The following PDE3A variants were observed in gnomAD, a reference collection of about 807,000 sequenced individuals.
The protein encoded by PDE3A is cGMP-inhibited 3',5'-cyclic phosphodiesterase 3A.
PDE3A carries 43 observed loss-of-function variants against 98.3 expected under a neutral mutation model. The ratio of observed to expected loss-of-function variants is 0.44; its 90% confidence interval spans 0.34 to 0.56. PDE3A has a LOEUF of 0.56. PDE3A is among the 20% of genes least tolerant of loss of function. The pLI, the probability that PDE3A is intolerant of heterozygous loss-of-function variation, is 0.01. For missense variants in PDE3A, 1,427 were observed against 1,440.7 expected, an observed-to-expected ratio of 0.99 and a Z score of 0.15; for synonymous variants, 663 against 567.9, an observed-to-expected ratio of 1.17 and a Z score of -2.38.
At chr12:20,667,311 G>A (rs1356445041) in intron 15 of PDE3A, among the ~76,000 whole-genome samples, 2 of 152,030 alleles carry the variant, frequency 1.3e-5, no homozygotes, top group East Asian at 1.9e-4. Context: ...TGTTTTTGTT[G>A]CCTGGGTTTT....
chr12:20,606,789 T>C (rs1943719920), intron 2 of PDE3A, among the ~76,000 whole-genome samples: 2 of 142,224 alleles, frequency 1.4e-5, no homozygotes, highest in Admixed American at 7.5e-5. Context: ...ACCTGGGAGG[T>C]GGAGGTTGCA....
Position 20,680,111 on chromosome 12 carries a change from T to C in PDE3A, c.3266T>C (p.Val1089Ala), listed in dbSNP as rs747635918. 6.2e-6 allele frequency: 10 copies of C among 1,613,262 alleles called. No homozygotes were observed. The highest frequency in any genetic ancestry group is 8.5e-6 in the Non-Finnish European group (10 of 1,179,504). The change falls in exon 16 of 16, where the codon GTC (valine) becomes GCC (alanine). Residue 1089 changes from valine to alanine, a missense_variant. Coordinates refer to ENST00000359062, the MANE Select transcript of PDE3A (RefSeq NM_000921.5). ...LLQNHKMWKK[V>A]IEEEQRLAGI... Reference sequence around the variant, plus strand: ...CAGAACCACAAGATGTGGAAGAAAGTCATTGAAGAGGAGCAACGGTTGGCA... The same window carrying C: ...CAGAACCACAAGATGTGGAAGAAAGCCATTGAAGAGGAGCAACGGTTGGCA...
intron 1 of PDE3A, among the ~76,000 whole-genome samples, chr12:20,410,958 T>A (rs554054811): frequency 7.2e-5 from 11 of 152,300 alleles, no homozygotes; most frequent in African/African-American, 2.6e-4. Context: ...GATGTCCCCA[T>A]CAAACGTATT....
intron 1 of PDE3A, among the ~76,000 whole-genome samples, chr12:20,416,816 C>A (rs1337017256): frequency 6.6e-6 from 1 of 152,132 alleles, no homozygotes; most frequent in South Asian, 2.1e-4. Context: ...ATGGACTATA[C>A]TACTTGGTCA....
rs1418282882 is a variant in PDE3A at position 20,684,160 on chromosome 12, A to C, written c.*3889A>C. The C allele has an allele frequency of 6.6e-6, 1 of 152,182 alleles. No individual in the cohort carries two copies. The highest frequency in any genetic ancestry group is 2.4e-5 in the African/African-American group (1 of 41,448). The allele number at this position is 152,182 out of a possible 1,614,324, so 9.4% of individuals were successfully genotyped here. A position where few individuals can be genotyped will look rare whatever the true frequency, so the allele number is the denominator to read the frequency against. On this transcript the variant is annotated 3_prime_UTR_variant, in exon 16 of 16. Coordinates refer to ENST00000359062, the MANE Select transcript of PDE3A (RefSeq NM_000921.5). The stretch of plus-strand genomic sequence containing the variant: ...AAATCCTGATTAATGAGAAGTGAAT[A>C]ATCTAAAAATCATTTATATTCTACT...
intron 1 of PDE3A, among the ~76,000 whole-genome samples, chr12:20,464,257 A>G (rs775148266): frequency 6.6e-6 from 1 of 152,198 alleles, no homozygotes; most frequent in African/African-American, 2.4e-5. Context: ...ATAATTCAAC[A>G]GAGTATGCCT....
chr12:20,370,289 A>G, intron 1 of PDE3A, 45 bp downstream of exon 1: 1 of 1,477,086 alleles, frequency 6.8e-7, no homozygotes, highest in Non-Finnish European at 9.0e-7. Flanking sequence ...AACTTGAAAC[A>G]CTTGGCAACC....
chr12:20,633,563 A>T, intron 6 of PDE3A, 130 bp from the exon 7 acceptor site: 1 of 516,342 alleles, frequency 1.9e-6, no homozygotes. Context: ...GCATATTTTC[A>T]CAAAACAAAT....
chr12:20,528,836 A>T (rs979013815), intron 1 of PDE3A, among the ~76,000 whole-genome samples: 2 of 120,580 alleles, frequency 1.7e-5, no homozygotes, highest in Non-Finnish European at 3.9e-5. Flanking sequence ...CCTGAGAAGT[A>T]TATATTTATA....
intron 1 of PDE3A, among the ~76,000 whole-genome samples, chr12:20,523,499 A>G (rs1486721089): frequency 6.6e-6 from 1 of 152,202 alleles, no homozygotes; most frequent in Non-Finnish European, 1.5e-5. Context: ...TGGTCTGCAG[A>G]GCCAAAAGAA....
chr12:20,578,106 C>G (rs1411269936), intron 2 of PDE3A, among the ~76,000 whole-genome samples: 1 of 152,154 alleles, frequency 6.6e-6, no homozygotes, highest in Non-Finnish European at 1.5e-5. Context: ...TTAGGTTTCA[C>G]TTTGTCTCTA....
At position 20,635,046 on chromosome 12, in the gene PDE3A, T is replaced by C. The variant is rs1035261775; in HGVS notation, c.1991T>C (p.Met664Thr). Residue 664 changes from methionine to threonine, a missense_variant, in exon 8 of 16, where the codon ATG becomes ACG. Physicochemically the swap from Met to Thr is moderately conservative, Grantham distance 81. Transcript: ENST00000359062. ...SACSTYAPETMMFLDKPILAP... is the reference protein window; with the variant it reads ...SACSTYAPETTMFLDKPILAP... ...TGCAGCACCTATGCTCCTGAGACCA[T>C]GATGTTTCTGGTAGTCCCATATCAC... 1.4e-5 allele frequency: 23 copies of C among 1,611,442 alleles called. No homozygotes were observed. Among genetic ancestry groups the C allele is most frequent in the Non-Finnish European group, 2.0e-5 (23 of 1,178,808 alleles).
At chr12:20,434,483 AC>A (rs1944748828) in intron 1 of PDE3A, among the ~76,000 whole-genome samples, 2 of 152,058 alleles carry the variant, frequency 1.3e-5, no homozygotes, top group South Asian at 4.1e-4. Flanking sequence ...GCTTTTAGTA[AC>A]TCCTAGACCT....
intron 15 of PDE3A, among the ~76,000 whole-genome samples, chr12:20,663,999 T>C (rs1049933150): frequency 6.6e-6 from 1 of 152,088 alleles, no homozygotes; most frequent in African/African-American, 2.4e-5. Context: ...TGGGGGTGGT[T>C]ATTGTCATGC....
chr12:20,461,841 C>T (rs1945257030), intron 1 of PDE3A, among the ~76,000 whole-genome samples: 1 of 152,128 alleles, frequency 6.6e-6, no homozygotes, highest in African/African-American at 2.4e-5. Flanking sequence ...TTATAATAGC[C>T]TATCTTTTCC....
At chr12:20,371,498 A>T in intron 1 of PDE3A, 2 of 968,556 alleles carry the variant, frequency 2.1e-6, no homozygotes, top group Non-Finnish European at 2.5e-6. Context: ...TTTTTAGGTT[A>T]TTCTGTGGAT....
At chr12:20,384,619 T>C (rs1484901808) in intron 1 of PDE3A, among the ~76,000 whole-genome samples, 2 of 151,972 alleles carry the variant, frequency 1.3e-5, no homozygotes, top group African/African-American at 2.4e-5. Flanking sequence ...TTGCTGCATC[T>C]ATCAACCTGT....
At chr12:20,432,722 C>T (rs1944718557) in intron 1 of PDE3A, among the ~76,000 whole-genome samples, 1 of 152,020 alleles carries the variant, frequency 6.6e-6, no homozygotes, top group Non-Finnish European at 1.5e-5. Context: ...TTTATTTCAC[C>T]TACTTTCTGA....
chr12:20,673,869 T>A (rs1945560373), intron 15 of PDE3A, among the ~76,000 whole-genome samples: 5 of 146,982 alleles, frequency 3.4e-5, no homozygotes. Flanking sequence ...ATAAAAAAAA[T>A]AAAAATAAAA....
Sources: gnomAD v4.1 joint callset for allele counts (sites outside exome capture counted in the v4.1 genomes callset) on GRCh38, gnomAD v4.1.1 for gene constraint, MANE v1.5 for transcripts, NCBI Gene and HGNC (gene_info 2026-07-23, HGNC 2026-07-21) for gene names.